Variants in DST observed in about 807,000 individuals in gnomAD.
The protein encoded by DST is dystonin.
A neutral mutation model predicts 875.2 loss-of-function variants in DST; 253 were observed. The ratio of observed to expected loss-of-function variants is 0.29; its 90% CI spans 0.26 to 0.32. DST has a LOEUF of 0.32. DST is among the 10% of genes least tolerant of loss of function. The probability of loss-of-function intolerance (pLI) is 1.00; values close to 1 mark genes in which losing one functional copy is unlikely to be tolerated. For missense variants in DST, 8,287 were observed against 9,111.6 expected (o/e 0.91, Z 3.68); for synonymous variants, 3,124 against 3,197.1 (o/e 0.98, Z 0.77).
chr6:56,800,324 C>T (rs989297681), intron 4 of DST, among the ~76,000 whole-genome samples: 1 of 152,190 alleles, frequency 6.6e-6, no homozygotes. Context: ...GCTTTATTTA[C>T]TAACAATTTC....
At chr6:56,838,999 C>A (rs1006464260) in intron 4 of DST, among the ~76,000 whole-genome samples, 5 of 152,198 alleles carry the variant, frequency 3.3e-5, no homozygotes, top group African/African-American at 4.8e-5. Flanking sequence ...GATTGCAAAA[C>A]CAGTTGCCAT....
chr6:56,681,095 G>A (rs185118300), intron 9 of DST, among the ~76,000 whole-genome samples: 159 of 152,222 alleles, frequency 1.0e-3, no homozygotes, highest in African/African-American at 3.6e-3. Context: ...TAACCACTGC[G>A]CTATATCTCA....
intron 2 of DST, among the ~76,000 whole-genome samples, chr6:56,951,507 C>T (rs1822286602): frequency 2.0e-5 from 3 of 151,980 alleles, no homozygotes; most frequent in African/African-American, 7.2e-5. Context: ...AGGTATTTCT[C>T]AAAGAGAAAA....
At position 56,929,490 on chromosome 6, in the gene DST, A is replaced by G. The variant is rs545996327; in HGVS notation, c.216+24295T>C. 2.4e-4 allele frequency among the ~76,000 whole-genome samples: 37 copies of G among 152,290 alleles called. 1 individual carries two copies. The highest frequency in any genetic ancestry group is 8.9e-4 in the African/African-American group (37 of 41,580). On this transcript the variant is annotated intron_variant, in intron 2 of 103. Transcript: ENST00000680361. ...ACTATCCATATAAAAAGGGTAAAATAAAATATATTTTTATTTCCTTGTGTA... is the reference window on the plus strand; with the variant it reads ...ACTATCCATATAAAAAGGGTAAAATGAAATATATTTTTATTTCCTTGTGTA...
At chr6:56,716,944 G>A (rs886893718) in intron 5 of DST, among the ~76,000 whole-genome samples, 1 of 152,114 alleles carries the variant, frequency 6.6e-6, no homozygotes, top group Non-Finnish European at 1.5e-5. Flanking sequence ...CACCTTGGGA[G>A]GCCAAGGCGG....
At position 56,675,509 on chromosome 6, in the gene DST, C is replaced by T. The variant is rs181103597; in HGVS notation, c.1048-4702G>A. ...TATGTGCAAACCATTCATCTTATAA[C>T]GAGTTAATATCCAAAATATATAAGG... is the stretch of plus-strand genomic sequence containing the variant. On this transcript the variant is annotated intron_variant, in intron 9 of 103. Coordinates refer to ENST00000680361, the MANE Select transcript of DST (RefSeq NM_001374736.1). 7.9e-5 allele frequency among the ~76,000 whole-genome samples: 12 copies of T among 152,214 alleles called. No individual in the cohort carries two copies. The South Asian group carries it at 1.2e-3, about 16-fold the overall frequency.
chr6:56,580,617 T>C (rs567800353), intron 49 of DST, among the ~76,000 whole-genome samples: 169 of 151,656 alleles, frequency 1.1e-3, no homozygotes, highest in Non-Finnish European at 1.9e-3. Flanking sequence ...TTACAGAATG[T>C]TCTAGTAGAC....
chr6:56,852,325 A>G (rs1765680496), intron 3 of DST, among the ~76,000 whole-genome samples: 1 of 152,240 alleles, frequency 6.6e-6, no homozygotes. Flanking sequence ...TCTCAAGATA[A>G]TTTAAACTTC....
chr6:56,929,013 AT>A (rs1035882935), intron 2 of DST, among the ~76,000 whole-genome samples: 2 of 151,972 alleles, frequency 1.3e-5, no homozygotes, highest in Admixed American at 1.3e-4. Flanking sequence ...AAAAATACTG[AT>A]TTTTTTTCCT....
At chr6:56,694,905 T>C (rs1026325279) in intron 9 of DST, among the ~76,000 whole-genome samples, 17 of 152,028 alleles carry the variant, frequency 1.1e-4, no homozygotes, top group African/African-American at 4.1e-4. Flanking sequence ...GGCAGGTGGA[T>C]CACCTGAGGT....
At position 56,631,935 on chromosome 6, in the gene DST, G is replaced by T; in HGVS notation, c.3911C>A (p.Pro1304His). The T allele has an allele frequency of 6.2e-7, 1 of 1,613,864 alleles. No homozygotes were observed. Among genetic ancestry groups the T allele is most frequent in the Non-Finnish European group, 8.5e-7 (1 of 1,179,888 alleles). The change falls in exon 29 of 104, where the codon CCC becomes CAC. Residue 1304 changes from proline (P) to histidine (H), a missense_variant. By Grantham distance (77) the Pro-to-His change is moderately conservative. Transcript: ENST00000680361. ...EDRLIRQIRT[P>H]LERDDLHESV... ...TTCATGCAAATCATCTCTTTCCAGG[G>T]GAGTTCGAATCTGTCTAATCAGCCG... is the stretch of plus-strand genomic sequence containing the variant.
intron 2 of DST, among the ~76,000 whole-genome samples, chr6:56,929,564 T>C (rs528672065): frequency 2.7e-4 from 41 of 152,210 alleles, no homozygotes; most frequent in Non-Finnish European, 5.6e-4. Flanking sequence ...AGTCATTACT[T>C]AGATTTCCTC....
rs116292791 is a variant in DST at position 56,777,474 on chromosome 6, C to A, written c.626-42185G>T. 6.0e-3 allele frequency among the ~76,000 whole-genome samples: 914 copies of A among 152,134 alleles called. 18 individuals carry two copies. Among genetic ancestry groups the A allele is most frequent in the South Asian group, 0.029 (141 of 4,818 alleles). ...ATGCAGTGTCATGCAAGTGGGACAG[C>A]CTGACCCTGTAAAACTTACAGCATG... On this transcript the variant is annotated intron_variant, in intron 4 of 103. Transcript: ENST00000680361.
chr6:56,565,125 C>CTTT (rs540989404), intron 55 of DST, among the ~76,000 whole-genome samples: 5 of 122,788 alleles, frequency 4.1e-5, no homozygotes, highest in African/African-American at 6.1e-5. Context: ...TTTTTTTTTT[C>CTTT]TTTTTTTTTT....
At chr6:56,598,745 A>G in intron 45 of DST, 36 bp from the exon 46 acceptor site, 2 of 1,262,722 alleles carry the variant, frequency 1.6e-6, no homozygotes, top group Non-Finnish European at 1.1e-6. Context: ...ATTTTATTAA[A>G]TTATTACCTA....
At chr6:56,738,852 A>C (rs1440620247) in intron 4 of DST, among the ~76,000 whole-genome samples, 1 of 149,722 alleles carries the variant, frequency 6.7e-6, no homozygotes, top group East Asian at 2.0e-4. Flanking sequence ...TGAACACCTA[A>C]GCTCACGCCA....
At chr6:56,664,282 C>A (rs1019026480) in intron 10 of DST, among the ~76,000 whole-genome samples, 1 of 152,190 alleles carries the variant, frequency 6.6e-6, no homozygotes, top group African/African-American at 2.4e-5. Context: ...CATTAATGTT[C>A]TAAGGCAGAT....
chr6:56,733,801 C>T (rs902857026), intron 5 of DST, among the ~76,000 whole-genome samples: 1 of 151,296 alleles, frequency 6.6e-6, no homozygotes, highest in African/African-American at 2.4e-5. Flanking sequence ...TGGAGACTAA[C>T]CTCTCAAGCA....
chr6:56,503,753 C>T (rs188174013), intron 78 of DST, among the ~76,000 whole-genome samples: 30 of 152,012 alleles, frequency 2.0e-4, no homozygotes, highest in African/African-American at 7.2e-4. Context: ...TTTGCATTTT[C>T]TGATTTTTCT....
Sources: allele counts gnomAD v4.1 joint callset (sites outside exome capture counted in the v4.1 genomes callset), GRCh38; gene constraint gnomAD v4.1.1; transcripts MANE v1.5; gene names NCBI Gene and HGNC (gene_info 2026-07-23, HGNC 2026-07-21).